Variants in CFAP92 observed in about 807,000 individuals in gnomAD.
CFAP92 encodes cilia and flagella associated protein 92 (putative), also known as uncharacterized protein CFAP92.
In CFAP92, 86 loss-of-function variants were observed where a neutral mutation model predicts 106.3. The ratio of observed to expected loss-of-function variants is 0.81; its 90% CI spans 0.68 to 0.97. CFAP92 has a LOEUF of 0.97. CFAP92 is among the 50% of genes least tolerant of loss of function. The pLI is 0.00. For synonymous variants in CFAP92, 477 were observed against 506.4 expected, an observed-to-expected ratio of 0.94 and a Z score of 0.78; for missense variants, 1,204 against 1,283.8, an observed-to-expected ratio of 0.94 and a Z score of 0.95.
At chr3:128,924,858 T>TA in intron 12 of CFAP92, among the ~76,000 whole-genome samples, 1 of 152,378 alleles carries the variant, frequency 6.6e-6, no homozygotes, top group African/African-American at 2.4e-5. Flanking sequence ...CATGTGCTGA[T>TA]ACACTGCTTT....
At chr3:128,944,823 C>T (rs1370477321) in intron 10 of CFAP92, among the ~76,000 whole-genome samples, 2 of 152,128 alleles carry the variant, frequency 1.3e-5, no homozygotes, top group Admixed American at 1.3e-4. Flanking sequence ...GGCTCAGAAC[C>T]CTGAAGACAG....
At chr3:129,015,926 G>T in the CFAP92 span, among the ~76,000 whole-genome samples, 2 of 152,358 alleles carry the variant, frequency 1.3e-5, no homozygotes, top group Admixed American at 1.3e-4. Flanking sequence ...CAGAGTAGGT[G>T]CTGCAGCGTG....
intron 12 of CFAP92, among the ~76,000 whole-genome samples, chr3:128,927,641 G>A (rs1032143459): frequency 4.2e-4 from 64 of 151,154 alleles, no homozygotes; most frequent in Non-Finnish European, 1.3e-4. Flanking sequence ...GGAGAATGGC[G>A]TGAACCCAGG....
upstream of CFAP92, among the ~76,000 whole-genome samples, chr3:128,994,987 G>A (rs139367292): frequency 7.9e-5 from 12 of 152,336 alleles, no homozygotes; most frequent in African/African-American, 2.2e-4. Flanking sequence ...CAGGGCCCAT[G>A]GTACATAGCC....
At chr3:129,002,332 C>T (rs1366968249) in intron 1 of CFAP92, 3 of 1,511,960 alleles carry the variant, frequency 2.0e-6, no homozygotes, top group Non-Finnish European at 1.8e-6. Flanking sequence ...CAGGTGCGCG[C>T]CGGCCACGAA....
chr3:128,924,326 A>C (rs568776231), intron 12 of CFAP92, among the ~76,000 whole-genome samples: 17 of 148,660 alleles, frequency 1.1e-4, no homozygotes, highest in Non-Finnish European at 1.9e-4. Flanking sequence ...CATGGCTTGG[A>C]TGGAATCCAG....
chr3:129,020,337 C>G, the CFAP92 span, among the ~76,000 whole-genome samples: 6,954 of 152,150 alleles, frequency 0.046, 473 homozygotes, highest in African/African-American at 0.15. Context: ...TGACTTACTC[C>G]CATTTAAAAG....
intron 10 of CFAP92, among the ~76,000 whole-genome samples, chr3:128,942,443 A>C (rs1396024774): frequency 6.6e-6 from 1 of 152,160 alleles, no homozygotes; most frequent in Non-Finnish European, 1.5e-5. Context: ...GACCGCCTAC[A>C]TGGCTGAACT....
intron 9 of CFAP92, among the ~76,000 whole-genome samples, chr3:128,947,698 T>C (rs1423761413): frequency 1.3e-5 from 2 of 152,130 alleles, no homozygotes; most frequent in Non-Finnish European, 2.9e-5. Flanking sequence ...AGGCTGGGTG[T>C]GGTGGCTCAC....
intron 9 of CFAP92, among the ~76,000 whole-genome samples, chr3:128,953,625 C>CTCACCG (rs1941066514): frequency 7.9e-6 from 1 of 126,134 alleles, no homozygotes; most frequent in African/African-American, 4.0e-5. Flanking sequence ...CTCTCCCTCC[C>CTCACCG]TCTCCGTCTC....
intron 9 of CFAP92, among the ~76,000 whole-genome samples, chr3:128,960,407 G>A (rs1941803353): frequency 6.6e-6 from 1 of 152,148 alleles, no homozygotes; most frequent in Admixed American, 6.5e-5. Context: ...CCGGTAAGCG[G>A]CCTCTTTTGA....
intron 4 of CFAP92, among the ~76,000 whole-genome samples, chr3:128,986,873 GAC>G (rs1450819627): frequency 6.6e-6 from 1 of 152,156 alleles, no homozygotes; most frequent in Non-Finnish European, 1.5e-5. Context: ...AAGACTTTCT[GAC>G]ATTGGCTGGG....
At position 128,932,927 on chromosome 3, in the gene CFAP92, C is replaced by T. The variant is rs1232808375; in HGVS notation, c.2524G>A (p.Ala842Thr). 11 of 1,536,014 alleles carry T rather than the reference C, an allele frequency of 7.2e-6. No individual in the cohort carries two copies. The South Asian group carries it at 1.2e-4, about 17-fold the overall frequency. ...VTVRDLLPSS[A>T]MIKDLSQEFG... Reference sequence around the variant, plus strand: ...TCTTGGCTCAAGTCTTTTATCATAGCAGAGGAGGGCAGCAGGTCCCTCACC... The same window carrying T: ...TCTTGGCTCAAGTCTTTTATCATAGTAGAGGAGGGCAGCAGGTCCCTCACC... The change falls in exon 12 of 16, where the codon GCT becomes ACT. Residue 842 changes from alanine (A) to threonine (T), a missense_variant. Coordinates refer to ENST00000645291, the MANE Select transcript of CFAP92 (RefSeq NM_001394090.1).
rs1176990521 is a variant in CFAP92, at chr3:128,950,279, A to G, written c.1354-4304T>C. ...CTGTAGAACCCAGGGGTTCCCACCAACGCCCCACTCAGATCACCCGATGGT... is the reference window on the plus strand; with the variant it reads ...CTGTAGAACCCAGGGGTTCCCACCAGCGCCCCACTCAGATCACCCGATGGT... On this transcript the variant is annotated intron_variant, in intron 9 of 15. Coordinates refer to ENST00000645291, the MANE Select transcript of CFAP92 (RefSeq NM_001394090.1). Among the ~76,000 whole-genome samples, 5 of 152,112 alleles carry G rather than the reference A, an allele frequency of 3.3e-5. No homozygotes were observed. The East Asian group carries it at 9.7e-4, about 29-fold the overall frequency.
At chr3:128,911,073 C>T (rs948551586) in intron 15 of CFAP92, among the ~76,000 whole-genome samples, 11 of 152,132 alleles carry the variant, frequency 7.2e-5, no homozygotes, top group African/African-American at 1.9e-4. Context: ...GTATTTATTT[C>T]GAGATGGAGT....
chr3:128,912,355 A>T, intron 15 of CFAP92: 1 of 700,924 alleles, frequency 1.4e-6, no homozygotes, highest in Non-Finnish European at 2.6e-6. Context: ...TGCAGCCCTG[A>T]ATCACTTGCT....
chr3:128,990,722 C>A (rs1436107944), intron 2 of CFAP92, among the ~76,000 whole-genome samples: 1 of 151,528 alleles, frequency 6.6e-6, no homozygotes, highest in African/African-American at 2.4e-5. Flanking sequence ...ATGGTGAAAC[C>A]CCATCTCTAC....
chr3:129,001,730 G>T, intron 1 of CFAP92: 1 of 1,526,968 alleles, frequency 6.5e-7, no homozygotes. Flanking sequence ...TGAGCGCCCT[G>T]GCGCACCACT....
rs555617489 is a variant in CFAP92 at position 128,974,989 on chromosome 3, G to A, written c.1021+790C>T. On this transcript the variant is annotated intron_variant, in intron 7 of 15. Coordinates refer to ENST00000645291, the MANE Select transcript of CFAP92 (RefSeq NM_001394090.1). ...CAAAAAATTAGCCAGGCGTGGTGGC[G>A]GGCGCCTGTAGTCCCAGCTATTCGG... Among the ~76,000 whole-genome samples the A allele has an allele frequency of 1.6e-3, 244 of 151,856 alleles. 1 individual carries two copies. Among genetic ancestry groups the A allele is most frequent in the African/African-American group, 4.2e-3 (173 of 41,390 alleles).
Sources: allele counts gnomAD v4.1 joint callset (sites outside exome capture counted in the v4.1 genomes callset), GRCh38; gene constraint gnomAD v4.1.1; transcripts MANE v1.5; gene names NCBI Gene and HGNC (gene_info 2026-07-23, HGNC 2026-07-21).